The following CCDC38 variants were observed in gnomAD, a reference collection of about 807,000 sequenced individuals.
The protein encoded by CCDC38 is coiled-coil domain-containing protein 38.
In CCDC38, 69 loss-of-function variants were observed where a neutral mutation model predicts 72.8. The observed-to-expected ratio is 0.95, with a 90% confidence interval of 0.78 to 1.16. The LOEUF is 1.16. Ranked by LOEUF, CCDC38 falls within the 50% of genes most tolerant of loss-of-function variation. The pLI is 0.00. For synonymous variants in CCDC38, 201 were observed against 213.2 expected (o/e 0.94, Z 0.50); for missense variants, 626 against 638.9 (o/e 0.98, Z 0.22).
chr12:95,906,459 G>A lies in CCDC38; in HGVS notation c.305-8C>T, dbSNP rs778680605. 4.2e-5 allele frequency: 67 copies of A among 1,604,480 alleles called. No homozygotes were observed. Among genetic ancestry groups the A allele is most frequent in the Non-Finnish European group, 5.4e-5 (63 of 1,172,298 alleles). On this transcript the variant is annotated splice_region_variant and splice_polypyrimidine_tract_variant and intron_variant, in intron 4 of 15. Transcript: ENST00000344280. ...TCCTTTTTGTGTCGGAACCTGTGAA[G>A]AAAGTTGAAATAGACTTAAGTTTAG...
intron 1 of CCDC38, among the ~76,000 whole-genome samples, chr12:95,937,719 T>C (rs1561096): frequency 0.088 from 13,351 of 152,170 alleles, 1,128 homozygotes; most frequent in East Asian, 0.46. Flanking sequence ...AACACAGACT[T>C]TGGACAAGCC....
intron 7 of CCDC38, 132 bp from the exon 8 acceptor site, chr12:95,895,278 C>T (rs941341559): frequency 3.6e-6 from 2 of 554,028 alleles, no homozygotes; most frequent in Non-Finnish European, 2.9e-6. Context: ...ATAAATATGG[C>T]CATAAAAATA....
At chr12:95,874,730 C>G (rs2079617715) in intron 13 of CCDC38, among the ~76,000 whole-genome samples, 1 of 152,200 alleles carries the variant, frequency 6.6e-6, no homozygotes. Flanking sequence ...TTATGGAAGA[C>G]TGATCAGAGA....
intron 1 of CCDC38, among the ~76,000 whole-genome samples, chr12:95,940,486 G>A (rs1176219655): frequency 2.0e-5 from 3 of 152,172 alleles, no homozygotes; most frequent in African/African-American, 7.2e-5. Context: ...CGAATTTCCA[G>A]ATGATCTCAA....
chr12:95,902,057 C>T (rs1222290320), intron 5 of CCDC38, among the ~76,000 whole-genome samples: 4 of 152,026 alleles, frequency 2.6e-5, no homozygotes, highest in Non-Finnish European at 1.5e-5. Context: ...AAACTGATAT[C>T]TAAAGAGGGT....
intron 8 of CCDC38, among the ~76,000 whole-genome samples, chr12:95,891,355 A>AT (rs1336523369): frequency 6.6e-6 from 1 of 151,846 alleles, no homozygotes; most frequent in Non-Finnish European, 1.5e-5. Flanking sequence ...ATTTTATTTT[A>AT]TTTTTTTGGG....
At chr12:95,875,964 G>A (rs926881344) in intron 13 of CCDC38, among the ~76,000 whole-genome samples, 38 of 152,222 alleles carry the variant, frequency 2.5e-4, no homozygotes, top group African/African-American at 8.4e-4. Context: ...GAGGAGGGGA[G>A]ATATCACAGA....
chr12:95,911,637 G>C (rs1346820403), intron 4 of CCDC38, among the ~76,000 whole-genome samples: 2 of 152,164 alleles, frequency 1.3e-5, no homozygotes. Context: ...CCAATCATCA[G>C]AGAAATGCAA....
chr12:95,915,607 T>C (rs1179039175), intron 4 of CCDC38, among the ~76,000 whole-genome samples: 1 of 151,388 alleles, frequency 6.6e-6, no homozygotes, highest in East Asian at 1.9e-4. Context: ...GTAGGTTTGT[T>C]TTCAATCAGG....
At chr12:95,929,922 G>A (rs1311380052) in intron 2 of CCDC38, among the ~76,000 whole-genome samples, 1 of 152,048 alleles carries the variant, frequency 6.6e-6, no homozygotes, top group Non-Finnish European at 1.5e-5. Flanking sequence ...ACATTCATTG[G>A]CTGGATAATT....
intron 13 of CCDC38, among the ~76,000 whole-genome samples, chr12:95,876,023 CAGTT>C (rs1393662310): frequency 6.6e-6 from 1 of 152,078 alleles, no homozygotes; most frequent in Non-Finnish European, 1.5e-5. Flanking sequence ...TTATTTTAAA[CAGTT>C]GAAGTGTGGA....
Position 95,867,308 on chromosome 12 carries a change from T to C in CCDC38, c.1579-119A>G, listed in dbSNP as rs556967186. ...CAAGGAATAATATGGTTTGTAACAT[T>C]AACTAATCACAGTTAAAAGGGACTT... On this transcript the variant is annotated intron_variant, in intron 15 of 15. Transcript: ENST00000344280. The C allele has an allele frequency of 5.8e-5, 38 of 651,154 alleles. 1 individual carries two copies. The highest frequency in any genetic ancestry group is 4.6e-4 in the African/African-American group (25 of 54,186). The allele number at this position is 651,154 out of a possible 1,614,324, so 40.3% of individuals were successfully genotyped here. A position where few individuals can be genotyped will look rare whatever the true frequency, so the allele number is the denominator to read the frequency against.
chr12:95,876,260 C>T (rs939761479), intron 13 of CCDC38, among the ~76,000 whole-genome samples: 25 of 151,900 alleles, frequency 1.6e-4, no homozygotes, highest in African/African-American at 5.6e-4. Context: ...TTCAGAGAGA[C>T]GAAGTAAAAT....
At chr12:95,914,797 C>CT (rs749877793) in intron 4 of CCDC38, among the ~76,000 whole-genome samples, 2,667 of 149,924 alleles carry the variant, frequency 0.018, 48 homozygotes, top group Non-Finnish European at 0.02. Context: ...CCTACACACA[C>CT]TTTTTTTTTT....
chr12:95,917,865 T>C (rs982605570), intron 3 of CCDC38, among the ~76,000 whole-genome samples: 2 of 86,998 alleles, frequency 2.3e-5, no homozygotes, highest in Admixed American at 1.1e-4. Flanking sequence ...AGCAAGACTG[T>C]CAAAAAAAAA....
chr12:95,908,174 T>G (rs2080034182), intron 4 of CCDC38, among the ~76,000 whole-genome samples: 1 of 151,608 alleles, frequency 6.6e-6, no homozygotes, highest in African/African-American at 2.4e-5. Context: ...TGGGCACCAT[T>G]GAGCACTGAG....
At chr12:95,936,746 A>C (rs2080398775) in intron 1 of CCDC38, among the ~76,000 whole-genome samples, 1 of 152,232 alleles carries the variant, frequency 6.6e-6, no homozygotes, top group African/African-American at 2.4e-5. Flanking sequence ...GTTCAATGTC[A>C]TTTCATAAAT....
intron 4 of CCDC38, among the ~76,000 whole-genome samples, chr12:95,908,869 C>A (rs1212803238): frequency 6.6e-6 from 1 of 151,820 alleles, no homozygotes; most frequent in East Asian, 2.0e-4. Flanking sequence ...CTAGTTTTAC[C>A]ATCTAGCAAT....
intron 2 of CCDC38, chr12:95,933,439 T>TA (rs2080359019): frequency 6.6e-6 from 1 of 151,880 alleles, no homozygotes; most frequent in African/African-American, 2.4e-5. Context: ...ATATGAAGAG[T>TA]TGTTCAACTT....
Sources: gnomAD v4.1 joint callset for allele counts (sites outside exome capture counted in the v4.1 genomes callset) on GRCh38, gnomAD v4.1.1 for gene constraint, MANE v1.5 for transcripts, NCBI Gene and HGNC (gene_info 2026-07-23, HGNC 2026-07-21) for gene names.